The following ADAMTS15 variants were observed in gnomAD, a reference collection of about 807,000 sequenced individuals.
The protein encoded by ADAMTS15 is A disintegrin and metalloproteinase with thrombospondin motifs 15.
In ADAMTS15, 35 loss-of-function variants were observed where a neutral mutation model predicts 79.1. The ratio of observed to expected loss-of-function variants is 0.44; its 90% confidence interval spans 0.34 to 0.59. ADAMTS15 has a LOEUF of 0.59. Among genes scored for constraint, ADAMTS15 ranks in the 20% least tolerant of loss-of-function variants. ADAMTS15 has a pLI of 0.02. For missense variants in ADAMTS15, 1,324 were observed against 1,318.7 expected (o/e 1.00, Z -0.06); for synonymous variants, 616 against 567.3 (o/e 1.09, Z -1.22).
Position 130,461,552 on chromosome 11 carries a change from C to T in ADAMTS15, c.1021C>T (p.Pro341Ser), listed in dbSNP as rs187607006. ...GGCTGATGTGGGTACCATGTGTGAC[C>T]CCAAGAGAAGCTGCTCTGTCATTGA... ...GMADVGTMCD[P>S]KRSCSVIEDD... Residue 341 changes from proline (P) to serine (S), a missense_variant, in exon 2 of 8, where the codon CCC (proline) becomes TCC (serine). Physicochemically the swap from Pro to Ser is moderately conservative, Grantham distance 74. Coordinates refer to ENST00000299164, the MANE Select transcript of ADAMTS15 (RefSeq NM_139055.4). The T allele has an allele frequency of 1.2e-5, 19 of 1,614,148 alleles. No individual in the cohort carries two copies. In the Admixed American group the frequency reaches 3.0e-4, roughly 25 times the overall value.
intron 4 of ADAMTS15, among the ~76,000 whole-genome samples, chr11:130,464,042 G>A (rs1565395216): frequency 6.6e-6 from 1 of 152,300 alleles, no homozygotes; most frequent in East Asian, 1.9e-4. Context: ...GCGGTCCTGG[G>A]CAGGTCGGAG....
At position 130,474,040 on chromosome 11, in the gene ADAMTS15, C is replaced by T. The variant is rs1016316365; in HGVS notation, c.*219C>T. On this transcript the variant is annotated 3_prime_UTR_variant, in exon 8 of 8. Coordinates refer to ENST00000299164, the MANE Select transcript of ADAMTS15 (RefSeq NM_139055.4). ...CTCCCGCACAGTCTACCTCAGGCCCCGCTCCTCGGGCCGGTTGCGGGGAGA... is the reference window on the plus strand; with the variant it reads ...CTCCCGCACAGTCTACCTCAGGCCCTGCTCCTCGGGCCGGTTGCGGGGAGA... 45 of 598,522 alleles carry T rather than the reference C, an allele frequency of 7.5e-5. No individual in the cohort carries two copies. Among genetic ancestry groups the T allele is most frequent in the Middle Eastern group, 4.6e-4 (1 of 2,152 alleles). The allele number at this position is 598,522 out of a possible 1,614,324, so 37.1% of individuals were successfully genotyped here.
Position 130,462,903 on chromosome 11 carries a change from C to T in ADAMTS15, c.1542+123C>T. On this transcript the variant is annotated intron_variant, in intron 4 of 7. Coordinates refer to ENST00000299164, the MANE Select transcript of ADAMTS15 (RefSeq NM_139055.4). This position sits in a 1 kb window ranked among gnomAD's most constrained non-coding sequence, Gnocchi z 4.3. The stretch of plus-strand genomic sequence containing the variant: ...TCACAGACTGGCCACGGGACCAGCA[C>T]TGTTGCATGGCTGAGCTGTGCCTTC... 1 of 1,329,952 alleles carries T rather than the reference C, an allele frequency of 7.5e-7. No individual in the cohort carries two copies. Among genetic ancestry groups the T allele is most frequent in the Non-Finnish European group, 1.0e-6 (1 of 972,482 alleles). 82.4% of individuals were successfully genotyped at this position (1,329,952 alleles called of 1,614,324 possible).
intron 1 of ADAMTS15, chr11:130,450,430 C>G (rs879530208): frequency 1.0e-6 from 1 of 985,424 alleles, no homozygotes; most frequent in Non-Finnish European, 1.2e-6. Flanking sequence ...AACACGTTGT[C>G]CCCTCTCTGT....
chr11:130,462,366 C>G lies in ADAMTS15; in HGVS notation c.1258+112C>G. 2 of 1,485,542 alleles carry G rather than the reference C, an allele frequency of 1.3e-6. No individual in the cohort carries two copies. The highest frequency in any genetic ancestry group is 1.8e-6 in the Non-Finnish European group (2 of 1,109,286). The allele number at this position is 1,485,542 out of a possible 1,614,324, so 92.0% of individuals were successfully genotyped here. A position where few individuals can be genotyped will look rare whatever the true frequency, so the allele number is the denominator to read the frequency against. Reference sequence around the variant, plus strand: ...TCTGTACATTAGGTGTGTGTGCCCCCTCGGAGCCGGGCTCTGACATGAGTG... The same window carrying G: ...TCTGTACATTAGGTGTGTGTGCCCCGTCGGAGCCGGGCTCTGACATGAGTG... On this transcript the variant is annotated intron_variant, in intron 3 of 7. Transcript: ENST00000299164. This position sits in a 1 kb window ranked among gnomAD's most constrained non-coding sequence, Gnocchi z 4.3.
Position 130,451,859 on chromosome 11 carries a change from C to T in ADAMTS15, c.957+1929C>T, listed in dbSNP as rs552258651. Among the ~76,000 whole-genome samples the T allele has an allele frequency of 1.8e-4, 28 of 152,236 alleles. No individual in the cohort carries two copies. In the South Asian group the frequency reaches 4.6e-3, roughly 25 times the overall value. ...TCTCAGTGGTGTGTGCTCAACCCCC[C>T]GGGGGCTGTGTTGTCCATGCATAAT... On this transcript the variant is annotated intron_variant, in intron 1 of 7. Transcript: ENST00000299164.
At chr11:130,465,988 A>G (rs1422882093) in intron 4 of ADAMTS15, among the ~76,000 whole-genome samples, 2 of 151,046 alleles carry the variant, frequency 1.3e-5, no homozygotes, top group Non-Finnish European at 2.9e-5. Flanking sequence ...TTCTCCTGCC[A>G]CAGCCTCCCC....
At chr11:130,456,452 T>C (rs1938082057) in intron 1 of ADAMTS15, among the ~76,000 whole-genome samples, 1 of 152,230 alleles carries the variant, frequency 6.6e-6, no homozygotes, top group South Asian at 2.1e-4. Context: ...TAACTAACAT[T>C]CTTCGTCACA....
chr11:130,466,710 C>T (rs546538692), intron 4 of ADAMTS15, among the ~76,000 whole-genome samples: 149 of 152,292 alleles, frequency 9.8e-4, no homozygotes, highest in Non-Finnish European at 1.9e-3. Context: ...TGGAATGCAC[C>T]TTAGGTTATG....
intron 1 of ADAMTS15, among the ~76,000 whole-genome samples, chr11:130,456,750 C>T (rs1449773634): frequency 3.3e-5 from 5 of 152,132 alleles, no homozygotes; most frequent in Non-Finnish European, 5.9e-5. Context: ...GACTGGGGTG[C>T]ATAATCTCAA....
intron 1 of ADAMTS15, among the ~76,000 whole-genome samples, chr11:130,454,073 C>T (rs1375203132): frequency 6.6e-6 from 1 of 152,192 alleles, no homozygotes; most frequent in Admixed American, 6.5e-5. Context: ...TCGCCTTGGC[C>T]TCCCAAAGTG....
intron 1 of ADAMTS15, chr11:130,450,385 A>G: frequency 1.0e-6 from 1 of 985,452 alleles, no homozygotes; most frequent in Non-Finnish European, 1.2e-6. Context: ...ACTGAAGGTG[A>G]TCCAAGGTCA....
intron 1 of ADAMTS15, among the ~76,000 whole-genome samples, chr11:130,457,819 A>T (rs945210072): frequency 6.6e-6 from 1 of 152,204 alleles, no homozygotes; most frequent in Non-Finnish European, 1.5e-5. Flanking sequence ...GCAGAGGCCC[A>T]GCGGTTCTTC....
At position 130,449,570 on chromosome 11, in the gene ADAMTS15, G is replaced by T. The variant is rs745402015; in HGVS notation, c.597G>T (p.Gly199=). Reference sequence around the variant, plus strand: ...ACAAGCCGCGGCGGGCGGGCTTCGGGGAGAGTCGTAGCCGGCGCAGGTCTG... The same window carrying T: ...ACAAGCCGCGGCGGGCGGGCTTCGGTGAGAGTCGTAGCCGGCGCAGGTCTG... ...DPYKPRRAGF[G]ESRSRRRSGR... The change falls in exon 1 of 8, where the codon GGG becomes GGT. Residue 199 remains glycine, a synonymous_variant. Coordinates refer to ENST00000299164, the MANE Select transcript of ADAMTS15 (RefSeq NM_139055.4). The surrounding 1 kb of genome is among the most constrained non-coding windows in gnomAD (Gnocchi z 7.8). 1.9e-6 allele frequency: 3 copies of T among 1,591,140 alleles called. No individual in the cohort carries two copies. The highest frequency in any genetic ancestry group is 3.4e-5 in the Admixed American group (2 of 58,724).
At chr11:130,450,458 T>C (rs1231371908) in intron 1 of ADAMTS15, 3 of 984,110 alleles carry the variant, frequency 3.0e-6, no homozygotes, top group Non-Finnish European at 2.4e-6. Flanking sequence ...CTGGAAAGCC[T>C]GGATTGGGGT....
At chr11:130,454,492 T>C (rs1184858252) in intron 1 of ADAMTS15, among the ~76,000 whole-genome samples, 1 of 152,216 alleles carries the variant, frequency 6.6e-6, no homozygotes, top group African/African-American at 2.4e-5. Context: ...TAGTTAATAA[T>C]GAAGTGATAA....
chr11:130,473,971 G>C lies in ADAMTS15; in HGVS notation c.*150G>C. The C allele has an allele frequency of 8.9e-7, 1 of 1,118,784 alleles. No homozygotes were observed. Among genetic ancestry groups the C allele is most frequent in the Non-Finnish European group, 1.2e-6 (1 of 810,140 alleles). The allele number at this position is 1,118,784 out of a possible 1,614,324, so 69.3% of individuals were successfully genotyped here. A position where few individuals can be genotyped will look rare whatever the true frequency, so the allele number is the denominator to read the frequency against. ...ACAAGGACCATGGGCTGGGGCGAGAGGTTCCCTCCTCCTCCCTGGACTGGG... is the reference window on the plus strand; with the variant it reads ...ACAAGGACCATGGGCTGGGGCGAGACGTTCCCTCCTCCTCCCTGGACTGGG... On this transcript the variant is annotated 3_prime_UTR_variant, in exon 8 of 8. Coordinates refer to ENST00000299164, the MANE Select transcript of ADAMTS15 (RefSeq NM_139055.4).
rs758377471 is a variant in ADAMTS15 at position 130,449,408 on chromosome 11, G to A, written c.435G>A (p.Pro145=). The A allele has an allele frequency of 9.4e-6, 15 of 1,598,170 alleles. No individual in the cohort carries two copies. The highest frequency in any genetic ancestry group is 1.3e-5 in the Non-Finnish European group (15 of 1,177,132). The change falls in exon 1 of 8, where the codon CCG becomes CCA. Residue 145 remains proline (P), a synonymous_variant. Transcript: ENST00000299164. This position sits in a 1 kb window ranked among gnomAD's most constrained non-coding sequence, Gnocchi z 7.8. The part of the protein sequence containing the change: ...VISPLPNASA[P]AAQRNSQGAH... ...GCCCGCTGCCCAATGCTAGCGCGCCGGCGGCGCAGCGCAACAGCCAGGGCG... is the reference window on the plus strand; with the variant it reads ...GCCCGCTGCCCAATGCTAGCGCGCCAGCGGCGCAGCGCAACAGCCAGGGCG...
chr11:130,470,596 A>G (rs973186217), intron 5 of ADAMTS15, among the ~76,000 whole-genome samples: 2 of 152,272 alleles, frequency 1.3e-5, no homozygotes, highest in Non-Finnish European at 2.9e-5. Context: ...TTGTATAGCA[A>G]ATGTAACTGG....
Sources: gnomAD v4.1 joint callset for allele counts (sites outside exome capture counted in the v4.1 genomes callset) on GRCh38, gnomAD v4.1.1 for gene constraint, Gnocchi (gnomAD v3.1) non-coding constraint, MANE v1.5 for transcripts, NCBI Gene and HGNC (gene_info 2026-07-23, HGNC 2026-07-21) for gene names.